Variants in OSTN observed in about 807,000 individuals in gnomAD.
OSTN encodes the protein osteocrin.
Under a neutral mutation model 12.0 loss-of-function variants are expected in OSTN, and 9 were observed. The ratio of observed to expected loss-of-function variants is 0.75; its 90% CI spans 0.45 to 1.30. The LOEUF is 1.30. Ranked by LOEUF, OSTN falls within the 50% of genes most tolerant of loss-of-function variation. The pLI is 0.00. For missense variants in OSTN, 148 were observed against 152.3 expected (o/e 0.97, Z 0.15); for synonymous variants, 59 against 56.9 (o/e 1.04, Z -0.16).
intron 3 of OSTN, among the ~76,000 whole-genome samples, chr3:191,232,097 G>A (rs568594946): frequency 2.0e-5 from 3 of 151,932 alleles, no homozygotes; most frequent in Admixed American, 6.6e-5. Context: ...TGGGGAGGCC[G>A]AGGCAGGCAG....
At chr3:191,230,575 A>AG (rs1322416021) in intron 3 of OSTN, among the ~76,000 whole-genome samples, 1 of 151,154 alleles carries the variant, frequency 6.6e-6, no homozygotes, top group Non-Finnish European at 1.5e-5. Flanking sequence ...AAAAAAAAAA[A>AG]AAAAAAAAAA....
At chr3:191,232,331 T>TAAAAAA (rs61313474) in intron 3 of OSTN, among the ~76,000 whole-genome samples, 5 of 67,496 alleles carry the variant, frequency 7.4e-5, no homozygotes, top group African/African-American at 3.5e-4. Context: ...AGACTCTGTC[T>TAAAAAA]AAAAAAAAAA....
At position 191,262,851 on chromosome 3, in the gene OSTN, C is replaced by CT. The variant is rs1449314795; in HGVS notation, c.*13-12dup. The CT allele has an allele frequency of 2.8e-6, 2 of 701,788 alleles. No homozygotes were observed. The highest frequency in any genetic ancestry group is 1.5e-5 in the South Asian group (1 of 67,498). 43.5% of individuals were successfully genotyped at this position (701,788 alleles called of 1,614,324 possible). ...TTCTCATTAGCTTTAACAATCTCAA[C>CT]TTTCGTTTTTGCAGATGCAACTTCC... On this transcript the variant is annotated splice_polypyrimidine_tract_variant and intron_variant, in intron 4 of 4. Coordinates refer to ENST00000682035, the MANE Select transcript of OSTN (RefSeq NM_198184.2).
Position 191,250,062 on chromosome 3 carries a change from C to T in OSTN, c.343C>T (p.Arg115Ter). Residue 115 changes from arginine (R) to a stop codon, truncating the protein, a stop_gained, in exon 4 of 5, where the codon CGA becomes TGA. Coordinates refer to ENST00000682035, the MANE Select transcript of OSTN (RefSeq NM_198184.2). LOFTEE classifies it high-confidence loss of function. ...QRKVVDHPKRRFGIPMDRIGR... is the reference protein window; with the variant it reads ...QRKVVDHPKR Reference sequence around the variant, plus strand: ...GAAAGTAGTAGATCATCCAAAAAGGCGATTTGGTATCCCCATGGATCGGAT... The same window carrying T: ...GAAAGTAGTAGATCATCCAAAAAGGTGATTTGGTATCCCCATGGATCGGAT... The T allele has an allele frequency of 3.1e-6, 5 of 1,613,654 alleles. No homozygotes were observed. The highest frequency in any genetic ancestry group is 2.2e-5 in the East Asian group (1 of 44,850).
intron 1 of OSTN, among the ~76,000 whole-genome samples, chr3:191,211,720 G>C (rs933288165): frequency 4.0e-5 from 6 of 151,840 alleles, no homozygotes; most frequent in Non-Finnish European, 8.8e-5. Context: ...ATTTTTATTT[G>C]AATTAAAGAA....
chr3:191,240,665 C>T (rs1715297315), intron 3 of OSTN, among the ~76,000 whole-genome samples: 1 of 152,204 alleles, frequency 6.6e-6, no homozygotes, highest in Non-Finnish European at 1.5e-5. Context: ...TTGGCCAGGG[C>T]TTCAGTTATC....
chr3:191,203,359 G>A (rs1714194930), intron 1 of OSTN, among the ~76,000 whole-genome samples: 1 of 152,096 alleles, frequency 6.6e-6, no homozygotes, highest in Non-Finnish European at 1.5e-5. Context: ...CCAGATCTGG[G>A]GGTTTAAAAT....
intron 3 of OSTN, among the ~76,000 whole-genome samples, chr3:191,221,793 A>G (rs1307654545): frequency 1.3e-5 from 2 of 152,248 alleles, no homozygotes; most frequent in Admixed American, 1.3e-4. Flanking sequence ...CAAAATGCTA[A>G]TCACCAAGCC....
chr3:191,228,138 T>G (rs1714960652), intron 3 of OSTN, among the ~76,000 whole-genome samples: 1 of 152,210 alleles, frequency 6.6e-6, no homozygotes, highest in Non-Finnish European at 1.5e-5. Context: ...TGTCATACTT[T>G]AGCTAATCAG....
At chr3:191,259,340 C>T (rs1194253543) in intron 4 of OSTN, among the ~76,000 whole-genome samples, 3 of 151,914 alleles carry the variant, frequency 2.0e-5, no homozygotes, top group South Asian at 4.2e-4. Context: ...GAGCTACGCC[C>T]CCTGGCTACT....
chr3:191,212,454 C>A, intron 1 of OSTN, 79 bp from the exon 2 acceptor site: 2 of 843,056 alleles, frequency 2.4e-6, no homozygotes, highest in South Asian at 2.6e-5. Flanking sequence ...TTGCCTCTAA[C>A]AGTCCTTTTA....
rs1015292631 is a variant in OSTN at position 191,248,910 on chromosome 3, T to C, written c.318-1127T>C. Among the ~76,000 whole-genome samples the C allele has an allele frequency of 1.1e-4, 17 of 152,186 alleles. No homozygotes were observed. The South Asian group carries it at 1.2e-3, about 11-fold the overall frequency. ...GCTGCAGTAAGCCATGATCACACCA[T>C]CGTACTCCAGCAGAAATCCTTACAT... On this transcript the variant is annotated intron_variant, in intron 3 of 4. Coordinates refer to ENST00000682035, the MANE Select transcript of OSTN (RefSeq NM_198184.2).
chr3:191,224,666 G>A (rs1714866047), intron 3 of OSTN, among the ~76,000 whole-genome samples: 3 of 151,896 alleles, frequency 2.0e-5, no homozygotes, highest in Non-Finnish European at 4.4e-5. Flanking sequence ...CTGAAATATA[G>A]TAAAACTAGA....
rs561410408 is a variant in OSTN, at chr3:191,237,395, T to A, written c.318-12642T>A. 7.2e-4 allele frequency among the ~76,000 whole-genome samples: 109 copies of A among 152,342 alleles called. 1 individual carries two copies. Among genetic ancestry groups the A allele is most frequent in the Non-Finnish European group, 1.3e-3 (91 of 68,024 alleles). On this transcript the variant is annotated intron_variant, in intron 3 of 4. Transcript: ENST00000682035. ...GCCTCCTTAGAAGAAAGACTTTGACTGAGGGGCATAAAGCAGAAGAAGAAA... is the reference window on the plus strand; with the variant it reads ...GCCTCCTTAGAAGAAAGACTTTGACAGAGGGGCATAAAGCAGAAGAAGAAA...
chr3:191,226,208 T>C (rs1714905325), intron 3 of OSTN, among the ~76,000 whole-genome samples: 1 of 152,094 alleles, frequency 6.6e-6, no homozygotes, highest in Non-Finnish European at 1.5e-5. Flanking sequence ...GGGGGGTTTA[T>C]TCCAGGAAAG....
At chr3:191,210,630 T>C (rs967157104) in intron 1 of OSTN, among the ~76,000 whole-genome samples, 11 of 152,228 alleles carry the variant, frequency 7.2e-5, no homozygotes, top group African/African-American at 2.7e-4. Context: ...ACACTGATAC[T>C]AAAGCAAAAA....
chr3:191,212,672 T>C, intron 2 of OSTN, 38 bp downstream of exon 2: 2 of 998,466 alleles, frequency 2.0e-6, no homozygotes, highest in Non-Finnish European at 2.8e-6. Context: ...ATATACATGT[T>C]TGACATGCTT....
intron 4 of OSTN, among the ~76,000 whole-genome samples, chr3:191,262,132 C>A (rs1404680069): frequency 1.3e-5 from 2 of 152,118 alleles, no homozygotes; most frequent in African/African-American, 4.8e-5. Flanking sequence ...ACAGGAGAAT[C>A]GCTTGAACCC....
At chr3:191,205,607 T>C (rs1371380014) in intron 1 of OSTN, among the ~76,000 whole-genome samples, 3 of 128,706 alleles carry the variant, frequency 2.3e-5, no homozygotes, top group Non-Finnish European at 5.0e-5. Flanking sequence ...TGAGAAAATA[T>C]TCAAATGATT....
Sources: allele counts gnomAD v4.1 joint callset (sites outside exome capture counted in the v4.1 genomes callset), GRCh38; gene constraint gnomAD v4.1.1; transcripts MANE v1.5; gene names NCBI Gene and HGNC (gene_info 2026-07-23, HGNC 2026-07-21).